Variants in KGD4 observed in about 807,000 individuals in gnomAD.
KGD4 encodes the protein alpha-ketoglutarate dehydrogenase component 4.
At chr5:69,229,978 G>T in the KGD4 span, 32 of 151,594 alleles carry the variant, frequency 2.1e-4, no homozygotes, top group African/African-American at 7.5e-4. Flanking sequence ...TTGTGATCTT[G>T]TATGCAAATC....
chr5:69,222,892 T>C, the KGD4 span, among the ~76,000 whole-genome samples: 15 of 151,450 alleles, frequency 9.9e-5, no homozygotes, highest in African/African-American at 3.4e-4. Flanking sequence ...TTTTCTGCCT[T>C]AGCCTCCCGA....
the KGD4 span, chr5:69,228,244 G>T: frequency 6.2e-7 from 1 of 1,600,762 alleles, no homozygotes; most frequent in East Asian, 2.3e-5. Flanking sequence ...TCACTCTTCT[G>T]TAATTTCACA....
the KGD4 span, among the ~76,000 whole-genome samples, chr5:69,227,734 A>AG: frequency 5.9e-5 from 9 of 152,242 alleles, no homozygotes; most frequent in South Asian, 1.9e-3. Context: ...CATAAGCTTA[A>AG]GTAGTGTAGG....
chr5:69,221,359 C>G, the KGD4 span, among the ~76,000 whole-genome samples: 2 of 152,024 alleles, frequency 1.3e-5, no homozygotes, highest in African/African-American at 4.8e-5. Flanking sequence ...AGAGCAAGAC[C>G]TGGTCTCAAA....
chr5:69,224,710 G>A, the KGD4 span, among the ~76,000 whole-genome samples: 1 of 152,058 alleles, frequency 6.6e-6, no homozygotes, highest in Admixed American at 6.6e-5. Flanking sequence ...GTTGCGGTAA[G>A]GCCACATCAT....
the KGD4 span, among the ~76,000 whole-genome samples, chr5:69,221,938 G>A: frequency 3.9e-5 from 2 of 51,006 alleles, no homozygotes; most frequent in Non-Finnish European, 7.5e-5. Flanking sequence ...AGACCAAGGC[G>A]GGCAGATCAC....
the KGD4 span, among the ~76,000 whole-genome samples, chr5:69,218,470 A>ATGTGTGTGTGTGTGTGTGTGTG: frequency 1.4e-3 from 202 of 148,626 alleles, 2 homozygotes; most frequent in African/African-American, 4.5e-3. Context: ...GTGTATATTA[A>ATGTGTGTGTGTGTGTGTGTGTG]TGTGTGTGTG....
chr5:69,220,093 T>C, the KGD4 span, among the ~76,000 whole-genome samples: 2 of 151,654 alleles, frequency 1.3e-5, no homozygotes, highest in African/African-American at 2.4e-5. Context: ...TAGCTGAGCA[T>C]GGTGATGTGC....
the KGD4 span, among the ~76,000 whole-genome samples, chr5:69,229,021 C>CAAAAA: frequency 4.0e-5 from 2 of 50,484 alleles, no homozygotes; most frequent in African/African-American, 8.7e-5. Context: ...AACTCCATCT[C>CAAAAA]AAAAAAAAAA....
the KGD4 span, chr5:69,226,264 C>A: frequency 2.0e-6 from 2 of 1,009,142 alleles, no homozygotes; most frequent in South Asian, 1.4e-5. Context: ...ACAAACGTAT[C>A]TACTTATGAG....
chr5:69,229,437 T>C, the KGD4 span: 1 of 445,296 alleles, frequency 2.2e-6, no homozygotes, highest in South Asian at 4.2e-5. Flanking sequence ...ATATACTTTA[T>C]ACTTATTAAA....
chr5:69,226,462 T>A, the KGD4 span: 1 of 1,116,496 alleles, frequency 9.0e-7, no homozygotes, highest in Non-Finnish European at 1.3e-6. Context: ...TATAAATGAG[T>A]ATTTTATTAT....
At chr5:69,228,282 T>A in the KGD4 span, 1 of 1,610,394 alleles carries the variant, frequency 6.2e-7, no homozygotes. Flanking sequence ...AATCACCAGA[T>A]TTGCTGATGT....
At chr5:69,218,156 G>T in the KGD4 span, 1 of 523,396 alleles carries the variant, frequency 1.9e-6, no homozygotes, top group South Asian at 2.4e-5. Context: ...CCTCCGCCAG[G>T]ACCTTGTTAG....
the KGD4 span, among the ~76,000 whole-genome samples, chr5:69,221,594 G>A: frequency 4.6e-5 from 7 of 152,102 alleles, no homozygotes; most frequent in Non-Finnish European, 1.0e-4. Context: ...CAGACCTCAC[G>A]TTCTTCACAA....
chr5:69,221,444 C>G, the KGD4 span, among the ~76,000 whole-genome samples: 2 of 152,108 alleles, frequency 1.3e-5, no homozygotes, highest in Non-Finnish European at 2.9e-5. Context: ...TTATAAGAGG[C>G]ATAGCTAAAA....
the KGD4 span, among the ~76,000 whole-genome samples, chr5:69,225,715 G>A: frequency 6.6e-6 from 1 of 151,926 alleles, no homozygotes. Context: ...CAAGTAGCTA[G>A]GATTACAGGC....
chr5:69,226,368 T>C, the KGD4 span: 1 of 1,609,428 alleles, frequency 6.2e-7, no homozygotes, highest in Non-Finnish European at 8.5e-7. Context: ...ATTAATAAGG[T>C]TTCCTGACAG....
chr5:69,222,391 A>G, the KGD4 span, among the ~76,000 whole-genome samples: 1 of 152,132 alleles, frequency 6.6e-6, no homozygotes. Context: ...GAATGAGGAT[A>G]AATAGGATGA....
Sources: allele counts gnomAD v4.1 joint callset (sites outside exome capture counted in the v4.1 genomes callset), GRCh38; gene constraint gnomAD v4.1.1; transcripts MANE v1.5; gene names NCBI Gene and HGNC (gene_info 2026-07-23, HGNC 2026-07-21).